Variants in CLIP4 observed in about 807,000 individuals in gnomAD.
The protein encoded by CLIP4 is CAP-Gly domain-containing linker protein 4.
CLIP4 carries 47 observed loss-of-function variants against 73.1 expected under a neutral mutation model. That is an observed-to-expected ratio of 0.64 (90% CI 0.51 to 0.82). The LOEUF (loss-of-function observed/expected upper bound fraction) is 0.82. Ranked by LOEUF, CLIP4 falls within the 40% of genes least tolerant of loss-of-function variation. The pLI is 0.00. For missense variants in CLIP4, 874 were observed against 852.9 expected (o/e 1.02, Z -0.31); for synonymous variants, 306 against 295.4 (o/e 1.04, Z -0.37).
intron 8 of CLIP4, among the ~76,000 whole-genome samples, chr2:29,148,311 C>A (rs1285456993): frequency 6.6e-6 from 1 of 152,132 alleles, no homozygotes; most frequent in Non-Finnish European, 1.5e-5. Context: ...TCATCTTTTC[C>A]CTTTGGCTTG....
At chr2:29,167,015 A>G (rs1667667397) in intron 13 of CLIP4, among the ~76,000 whole-genome samples, 1 of 152,234 alleles carries the variant, frequency 6.6e-6, no homozygotes, top group African/African-American at 2.4e-5. Context: ...CTTAGAGTCA[A>G]GTATAAAGTA....
At chr2:29,118,385 A>T (rs1664016273) in intron 1 of CLIP4, 1 of 152,220 alleles carries the variant, frequency 6.6e-6, no homozygotes, top group Non-Finnish European at 1.5e-5. Context: ...GTTATGTAAG[A>T]TGCTTTTGCT....
intron 11 of CLIP4, 58 bp downstream of exon 11, chr2:29,157,405 A>T: frequency 6.2e-7 from 1 of 1,613,324 alleles, no homozygotes. Flanking sequence ...GTTTGTTTGT[A>T]AGTAGATTTG....
intron 1 of CLIP4, among the ~76,000 whole-genome samples, chr2:29,117,344 G>GTTT (rs34002777): frequency 1.4e-5 from 2 of 141,720 alleles, no homozygotes; most frequent in Non-Finnish European, 1.5e-5. Context: ...TTTTGTTTTT[G>GTTT]TTTTTTTTTT....
At chr2:29,179,970 A>G (rs1668553369) in intron 15 of CLIP4, among the ~76,000 whole-genome samples, 1 of 152,240 alleles carries the variant, frequency 6.6e-6, no homozygotes, top group South Asian at 2.1e-4. Context: ...AAAATTAGTC[A>G]TCTTCCTTTC....
chr2:29,179,660 T>C lies in CLIP4; in HGVS notation c.1797-1912T>C, dbSNP rs77139847. Among the ~76,000 whole-genome samples, 50 of 152,352 alleles carry C rather than the reference T, an allele frequency of 3.3e-4. No homozygotes were observed. In the East Asian group the frequency reaches 9.3e-3, roughly 28 times the overall value. On this transcript the variant is annotated intron_variant, in intron 15 of 15. Coordinates refer to ENST00000320081, the MANE Select transcript of CLIP4 (RefSeq NM_024692.6). The stretch of plus-strand genomic sequence containing the variant: ...TACCTAGTAAGTGTTCAGGAAATGA[T>C]AGCTATTGTCATCATTCCTATGAAA...
chr2:29,139,784 G>A (rs1328827531), intron 6 of CLIP4, among the ~76,000 whole-genome samples: 1 of 152,036 alleles, frequency 6.6e-6, no homozygotes, highest in African/African-American at 2.4e-5. Flanking sequence ...GTGAATAGAG[G>A]TATTCACAGT....
upstream of CLIP4, among the ~76,000 whole-genome samples, chr2:29,112,890 T>G (rs1438562907): frequency 6.6e-6 from 1 of 152,264 alleles, no homozygotes; most frequent in African/African-American, 2.4e-5. Context: ...TGACCTTGTC[T>G]TCTTTTGCTA....
intron 8 of CLIP4, among the ~76,000 whole-genome samples, chr2:29,150,097 GAGAA>G (rs1412802918): frequency 6.6e-6 from 1 of 152,182 alleles, no homozygotes; most frequent in Non-Finnish European, 1.5e-5. Flanking sequence ...AAAGGGAGAA[GAGAA>G]AGAGAGAGAA....
intron 2 of CLIP4, chr2:29,130,955 T>C (rs1332893923): frequency 7.9e-7 from 1 of 1,268,846 alleles, no homozygotes; most frequent in Non-Finnish European, 1.0e-6. Context: ...CCTGGTTTTC[T>C]ACCCCAGATT....
chr2:29,165,480 TA>T (rs1667548979), intron 13 of CLIP4, among the ~76,000 whole-genome samples: 1 of 152,138 alleles, frequency 6.6e-6, no homozygotes, highest in African/African-American at 2.4e-5. Context: ...TGAACCCAGG[TA>T]GTCTAGTATC....
upstream of CLIP4, among the ~76,000 whole-genome samples, chr2:29,110,601 G>C (rs117415733): frequency 6.6e-6 from 1 of 152,160 alleles, no homozygotes; most frequent in East Asian, 1.9e-4. Flanking sequence ...CTGTAGAATG[G>C]ATGTTGAGTA....
At chr2:29,180,323 A>G (rs1227527825) in intron 15 of CLIP4, among the ~76,000 whole-genome samples, 1 of 152,188 alleles carries the variant, frequency 6.6e-6, no homozygotes, top group Non-Finnish European at 1.5e-5. Context: ...TGGACAGTGC[A>G]GGCAGCTCTG....
At chr2:29,150,180 C>T (rs1421106956) in intron 8 of CLIP4, among the ~76,000 whole-genome samples, 1 of 152,188 alleles carries the variant, frequency 6.6e-6, no homozygotes, top group African/African-American at 2.4e-5. Flanking sequence ...CCTCTTCCCA[C>T]TCCAATTAAT....
chr2:29,099,459 C>G lies in CLIP4; in HGVS notation c.-16+1512C>G, dbSNP rs146956028. On this transcript the variant is annotated intron_variant, in intron 1 of 14. Transcript: ENST00000401605. ...GTTCTAGGGCCATTTATTTAAAAGA[C>G]TATCCTTTTTTTCCATTGAATTGTC... Among the ~76,000 whole-genome samples the G allele has an allele frequency of 3.3e-5, 5 of 152,260 alleles. No individual in the cohort carries two copies. In the East Asian group the frequency reaches 9.6e-4, roughly 29 times the overall value.
At chr2:29,179,629 GT>G (rs1267653937) in intron 15 of CLIP4, among the ~76,000 whole-genome samples, 6 of 152,178 alleles carry the variant, frequency 3.9e-5, no homozygotes, top group Non-Finnish European at 5.9e-5. Flanking sequence ...TATGTGAAGT[GT>G]TAGGTACCTA....
At chr2:29,114,441 G>A (rs960108918), upstream of CLIP4, 2 of 152,244 alleles carry the variant, frequency 1.3e-5, no homozygotes, top group African/African-American at 4.8e-5. Context: ...GAGAGATGCA[G>A]GGAGCTGGAT....
chr2:29,150,667 T>G (rs1666498447), intron 8 of CLIP4, among the ~76,000 whole-genome samples: 1 of 103,622 alleles, frequency 9.7e-6, no homozygotes, highest in Non-Finnish European at 2.1e-5. Context: ...TTTTTTTTTT[T>G]TGAGACAGTC....
intron 1 of CLIP4, among the ~76,000 whole-genome samples, chr2:29,106,378 T>C (rs1668207523): frequency 6.6e-6 from 1 of 152,182 alleles, no homozygotes; most frequent in South Asian, 2.1e-4. Context: ...CATCCTGCAA[T>C]GTACTTCCAT....
Sources: allele counts gnomAD v4.1 joint callset (sites outside exome capture counted in the v4.1 genomes callset), GRCh38; gene constraint gnomAD v4.1.1; transcripts MANE v1.5; gene names NCBI Gene and HGNC (gene_info 2026-07-23, HGNC 2026-07-21).